Variants in SDCCAG8 observed in about 807,000 individuals in gnomAD.
SDCCAG8 encodes SHH signaling and ciliogenesis regulator SDCCAG8, also known as serologically defined colon cancer antigen 8.
In SDCCAG8, 74 loss-of-function variants were observed where a neutral mutation model predicts 101.8. The ratio of observed to expected loss-of-function variants is 0.73; its 90% CI spans 0.60 to 0.88. The LOEUF (loss-of-function observed/expected upper bound fraction) is 0.88. SDCCAG8 is among the 40% of genes least tolerant of loss of function. The pLI, the probability that SDCCAG8 is intolerant of heterozygous loss-of-function variation, is 0.00. For synonymous variants in SDCCAG8, 281 were observed against 292.9 expected, an observed-to-expected ratio of 0.96 and a Z score of 0.41; for missense variants, 787 against 822.6, an observed-to-expected ratio of 0.96 and a Z score of 0.53.
chr1:243,347,208 T>G (rs2075772060), intron 12 of SDCCAG8, among the ~76,000 whole-genome samples: 1 of 152,220 alleles, frequency 6.6e-6, no homozygotes, highest in Non-Finnish European at 1.5e-5. Flanking sequence ...TTTCTTCTTT[T>G]GCAGAAGTAT....
In SDCCAG8 at chr1:243,474,321, A is replaced by G. The variant is rs957725735; in HGVS notation, c.1986-14693A>G. ...CCCGGTTTAATCCTCTCCTTCTGCC[A>G]AAGTCCAGAGGCCCTGCGAGCCCCC... On this transcript the variant is annotated intron_variant, in intron 16 of 17. Coordinates refer to ENST00000366541, the MANE Select transcript of SDCCAG8 (RefSeq NM_006642.5). This position sits in a 1 kb window ranked among gnomAD's most constrained non-coding sequence, Gnocchi z 4.7. Among the ~76,000 whole-genome samples the G allele has an allele frequency of 6.6e-6, 1 of 152,176 alleles. No individual in the cohort carries two copies. Among genetic ancestry groups the G allele is most frequent in the Non-Finnish European group, 1.5e-5 (1 of 68,024 alleles).
chr1:243,428,408 G>T (rs1279627001), intron 16 of SDCCAG8, among the ~76,000 whole-genome samples: 1 of 152,150 alleles, frequency 6.6e-6, no homozygotes, highest in Non-Finnish European at 1.5e-5. Flanking sequence ...ATTAGCAAAA[G>T]AATTTCATAA....
intron 13 of SDCCAG8, among the ~76,000 whole-genome samples, chr1:243,387,763 T>G (rs959865861): frequency 2.0e-5 from 3 of 152,230 alleles, no homozygotes; most frequent in African/African-American, 7.2e-5. Flanking sequence ...TTGCCCAGCC[T>G]GCAGTGCAGT....
At chr1:243,265,459 T>A (rs1262164816) in intron 1 of SDCCAG8, among the ~76,000 whole-genome samples, 1 of 152,256 alleles carries the variant, frequency 6.6e-6, no homozygotes, top group African/African-American at 2.4e-5. Context: ...AGTCTTTGAA[T>A]GTTATAAATT....
At chr1:243,344,353 T>C (rs1471938599) in intron 12 of SDCCAG8, 22 bp downstream of exon 12, 2 of 1,443,268 alleles carry the variant, frequency 1.4e-6, no homozygotes, top group South Asian at 1.1e-5. Flanking sequence ...CACAGCATAA[T>C]TGCAGCAATT....
At chr1:243,398,213 G>A (rs1008671507) in intron 13 of SDCCAG8, among the ~76,000 whole-genome samples, 4 of 152,144 alleles carry the variant, frequency 2.6e-5, no homozygotes, top group East Asian at 1.9e-4. Flanking sequence ...AATAGATTAC[G>A]TTTGATTAAG....
chr1:243,490,410 G>C (rs1016513951), intron 17 of SDCCAG8, among the ~76,000 whole-genome samples: 5 of 152,218 alleles, frequency 3.3e-5, no homozygotes, highest in African/African-American at 1.2e-4. Flanking sequence ...CTCCATGGCA[G>C]GGCCCTGGAA....
intron 13 of SDCCAG8, among the ~76,000 whole-genome samples, chr1:243,399,471 G>A (rs374780200): frequency 8.5e-5 from 13 of 152,090 alleles, no homozygotes; most frequent in East Asian, 3.9e-4. Flanking sequence ...CAGTAATTAC[G>A]AAGTTCACTT....
intron 4 of SDCCAG8, among the ~76,000 whole-genome samples, chr1:243,276,078 G>T (rs960529288): frequency 6.6e-6 from 1 of 151,924 alleles, no homozygotes; most frequent in Non-Finnish European, 1.5e-5. Flanking sequence ...TGGCCAGCAT[G>T]GTCTCGATCT....
chr1:243,489,991 G>T (rs1163374757), intron 17 of SDCCAG8, among the ~76,000 whole-genome samples: 1 of 152,204 alleles, frequency 6.6e-6, no homozygotes, highest in Non-Finnish European at 1.5e-5. Context: ...GAGGTGGTCC[G>T]TGGGCTGACC....
intron 3 of SDCCAG8, among the ~76,000 whole-genome samples, chr1:243,272,131 T>G (rs533389380): frequency 1.2e-4 from 18 of 152,338 alleles, no homozygotes; most frequent in Non-Finnish European, 2.9e-5. Flanking sequence ...CACAGAGTTT[T>G]TGGAATAATG....
chr1:243,267,807 A>T, intron 1 of SDCCAG8: 1 of 832,844 alleles, frequency 1.2e-6, no homozygotes, highest in East Asian at 2.4e-5. Context: ...GCCATTACAC[A>T]ATCAGTTATA....
intron 16 of SDCCAG8, among the ~76,000 whole-genome samples, chr1:243,470,899 A>G (rs1661121829): frequency 6.6e-6 from 1 of 152,136 alleles, no homozygotes; most frequent in South Asian, 2.1e-4. Context: ...TCAACAAGCA[A>G]AAGAAAAATC....
chr1:243,361,468 C>T (rs929435204), intron 12 of SDCCAG8, among the ~76,000 whole-genome samples: 5 of 152,210 alleles, frequency 3.3e-5, no homozygotes, highest in African/African-American at 1.2e-4. Flanking sequence ...CATTGCATTG[C>T]TCTTCCATTT....
At chr1:243,488,956 G>C in intron 16 of SDCCAG8, 58 bp from the exon 17 acceptor site, 1 of 1,612,112 alleles carries the variant, frequency 6.2e-7, no homozygotes, top group Non-Finnish European at 8.5e-7. Flanking sequence ...CACAGCCCCT[G>C]GGCCTGTTGA....
intron 16 of SDCCAG8, among the ~76,000 whole-genome samples, chr1:243,429,112 G>A (rs1021014852): frequency 6.6e-6 from 1 of 152,184 alleles, no homozygotes; most frequent in Non-Finnish European, 1.5e-5. Context: ...AGCAAAAGTT[G>A]CATTGCAGGA....
At chr1:243,490,359 C>T (rs1360992343) in intron 17 of SDCCAG8, among the ~76,000 whole-genome samples, 1 of 152,254 alleles carries the variant, frequency 6.6e-6, no homozygotes, top group Non-Finnish European at 1.5e-5. Context: ...CACAGCCGCA[C>T]TGCCACAGCT....
chr1:243,299,062 T>C (rs1368200505), intron 6 of SDCCAG8, among the ~76,000 whole-genome samples: 1 of 152,250 alleles, frequency 6.6e-6, no homozygotes, highest in African/African-American at 2.4e-5. Context: ...AGTCCACTTA[T>C]TTGAGTCATC....
At chr1:243,323,337 A>G (rs2073913006) in intron 9 of SDCCAG8, among the ~76,000 whole-genome samples, 1 of 152,086 alleles carries the variant, frequency 6.6e-6, no homozygotes, top group Non-Finnish European at 1.5e-5. Context: ...CTTTACTAAG[A>G]TTAGGACCAA....
Sources: gnomAD v4.1 joint callset for allele counts (sites outside exome capture counted in the v4.1 genomes callset) on GRCh38, gnomAD v4.1.1 for gene constraint, Gnocchi (gnomAD v3.1) non-coding constraint, MANE v1.5 for transcripts, NCBI Gene and HGNC (gene_info 2026-07-23, HGNC 2026-07-21) for gene names.